RIPOR2: variants seen among roughly 807,000 people sequenced by gnomAD.
RIPOR2 encodes rho family-interacting cell polarization regulator 2.
In RIPOR2, 39 loss-of-function variants were observed where a neutral mutation model predicts 114.5. The ratio of observed to expected loss-of-function variants is 0.34; its 90% CI spans 0.26 to 0.44. The LOEUF is 0.44. RIPOR2 is among the 20% of genes least tolerant of loss of function. The pLI is 1.00. For missense variants in RIPOR2, 1,007 were observed against 1,255.1 expected (o/e 0.80, Z 2.99); for synonymous variants, 445 against 484.4 (o/e 0.92, Z 1.07).
intron 1 of RIPOR2, among the ~76,000 whole-genome samples, chr6:24,944,448 C>T (rs1005035431): frequency 2.6e-5 from 4 of 152,050 alleles, no homozygotes; most frequent in African/African-American, 9.7e-5. Flanking sequence ...TCAGAAAAGT[C>T]ACTAAAAAAA....
chr6:24,830,395 G>C (rs1271578532), intron 17 of RIPOR2, 114 bp downstream of exon 17: 1 of 777,986 alleles, frequency 1.3e-6, no homozygotes, highest in Non-Finnish European at 2.1e-6. Flanking sequence ...ATGGCCTTTT[G>C]TGTGTTTCCC....
intron 13 of RIPOR2, among the ~76,000 whole-genome samples, chr6:24,841,819 T>C (rs912799452): frequency 6.6e-6 from 1 of 152,102 alleles, no homozygotes; most frequent in Non-Finnish European, 1.5e-5. Context: ...GATTTCATCA[T>C]GTTGCCCGGT....
intron 1 of RIPOR2, among the ~76,000 whole-genome samples, chr6:24,941,735 T>G (rs1224404791): frequency 6.6e-6 from 1 of 152,196 alleles, no homozygotes; most frequent in Non-Finnish European, 1.5e-5. Context: ...TCTCAGGGTT[T>G]GGCAACATTA....
chr6:24,850,674 C>T lies in RIPOR2; in HGVS notation c.808G>A (p.Glu270Lys). ...TCCCAGCTCTGCTTGCCATTTACTT[C>T]TATTTTGCCTTTCAGTTTCCACCGC... ...RQRWKLKGKIEVNGKQSWDGE... is the reference protein window; with the variant it reads ...RQRWKLKGKIKVNGKQSWDGE... Residue 270 changes from glutamate to lysine, a missense_variant, in exon 10 of 22, where the codon GAA becomes AAA. Coordinates refer to ENST00000643898, the MANE Select transcript of RIPOR2 (RefSeq NM_001286445.3). 6.2e-7 allele frequency: 1 copy of T among 1,613,918 alleles called. No homozygotes were observed. The highest frequency in any genetic ancestry group is 8.5e-7 in the Non-Finnish European group (1 of 1,179,862).
In RIPOR2 at chr6:24,817,976, C is replaced by CTTTTTTTTTTTTTTTTTTTTTTTTTT. The variant is rs758675486; in HGVS notation, c.2952+565_2952+566insAAAAAAAAAAAAAAAAAAAAAAAAAA. 2.4e-5 allele frequency among the ~76,000 whole-genome samples: 2 copies of CTTTTTTTTTTTTTTTTTTTTTTTTTT among 84,448 alleles called. 1 individual carries two copies. The allele number at this position is 84,448 out of a possible 152,430, so 55.4% of individuals were successfully genotyped here. A position where few individuals can be genotyped will look rare whatever the true frequency, so the allele number is the denominator to read the frequency against. Reference sequence around the variant, plus strand: ...ATATACTTTCCTTTTCTCTCTCTCTCTCTTTTTTTTTGAGACAGAGTCTGG... The same window carrying CTTTTTTTTTTTTTTTTTTTTTTTTTT: ...ATATACTTTCCTTTTCTCTCTCTCTCTTTTTTTTTTTTTTTTTTTTTTTTTTTCTTTTTTTTTGAGACAGAGTCTGG... On this transcript the variant is annotated intron_variant, in intron 20 of 21. Transcript: ENST00000643898.
rs139012976 is a variant in RIPOR2 at position 24,972,595 on chromosome 6, A to G, written c.76+69256T>C. ...GCTTCAGGGGTTTTATGATGTCTCA[A>G]AGGGATATTATAATGCCTCATGGAG... On this transcript the variant is annotated intron_variant, in intron 1 of 13. Coordinates refer to the RIPOR2 transcript ENST00000510784. Among the ~76,000 whole-genome samples the G allele has an allele frequency of 1.8e-3, 272 of 152,310 alleles. 1 individual carries two copies. Among genetic ancestry groups the G allele is most frequent in the African/African-American group, 3.8e-3 (160 of 41,564 alleles).
At chr6:24,848,235 C>G in intron 11 of RIPOR2, 81 bp from the exon 12 acceptor site, 1 of 1,415,056 alleles carries the variant, frequency 7.1e-7, no homozygotes. Flanking sequence ...GAGAGTACCT[C>G]ATTATATAAA....
At chr6:24,961,987 ATG>A (rs1312395321) in intron 1 of RIPOR2, among the ~76,000 whole-genome samples, 6 of 152,120 alleles carry the variant, frequency 3.9e-5, no homozygotes, top group African/African-American at 1.4e-4. Flanking sequence ...CTCATTACAC[ATG>A]TGAAGAAAGT....
chr6:24,975,330 A>G (rs1490873747), intron 1 of RIPOR2, among the ~76,000 whole-genome samples: 2 of 152,240 alleles, frequency 1.3e-5, no homozygotes, highest in Admixed American at 1.3e-4. Context: ...AAATCAAATA[A>G]ACAAATATAA....
At chr6:24,831,812 G>A (rs1021721107) in intron 16 of RIPOR2, among the ~76,000 whole-genome samples, 1 of 152,150 alleles carries the variant, frequency 6.6e-6, no homozygotes, top group African/African-American at 2.4e-5. Flanking sequence ...CTTAGAATCA[G>A]GAACTCTCCT....
At position 24,992,407 on chromosome 6, in the gene RIPOR2, G is replaced by A. The variant is rs145609082; in HGVS notation, c.76+49444C>T. Among the ~76,000 whole-genome samples, 443 of 152,154 alleles carry A rather than the reference G, an allele frequency of 2.9e-3. 4 individuals are homozygous for A. The highest frequency in any genetic ancestry group is 0.018 in the East Asian group (93 of 5,182). Reference sequence around the variant, plus strand: ...ACAAAATCAATGCCCAAAAATCACTGGTATTCCTATACACTAGCAACAGCC... The same window carrying A: ...ACAAAATCAATGCCCAAAAATCACTAGTATTCCTATACACTAGCAACAGCC... On this transcript the variant is annotated intron_variant, in intron 1 of 13. Transcript: ENST00000510784.
In RIPOR2 at chr6:25,021,394, C is replaced by T. The variant is rs113899639; in HGVS notation, c.76+20457G>A. On this transcript the variant is annotated intron_variant, in intron 1 of 13. Transcript: ENST00000510784. Reference sequence around the variant, plus strand: ...AAATTAAGGCTGTGGCACCCAAATGCCCATCGATCAATGAGTGGATAAAGA... The same window carrying T: ...AAATTAAGGCTGTGGCACCCAAATGTCCATCGATCAATGAGTGGATAAAGA... Among the ~76,000 whole-genome samples, 738 of 152,208 alleles carry T rather than the reference C, an allele frequency of 4.8e-3. 4 individuals are homozygous for T. The highest frequency in any genetic ancestry group is 0.017 in the African/African-American group (697 of 41,508).
At chr6:24,925,041 T>C (rs898673024) in intron 1 of RIPOR2, among the ~76,000 whole-genome samples, 3 of 152,250 alleles carry the variant, frequency 2.0e-5, no homozygotes, top group Admixed American at 6.5e-5. Flanking sequence ...TTTTGCTTAA[T>C]TGAGATTCTA....
chr6:25,035,258 T>A (rs1166991085), intron 1 of RIPOR2, among the ~76,000 whole-genome samples: 13 of 152,206 alleles, frequency 8.5e-5, no homozygotes. Flanking sequence ...ATGTGACCTA[T>A]GAATTATACA....
chr6:24,943,603 G>C (rs34976097), intron 1 of RIPOR2, among the ~76,000 whole-genome samples: 20,952 of 152,036 alleles, frequency 0.14, 1,898 homozygotes, highest in Middle Eastern at 0.26. Context: ...AGCAATCCAG[G>C]AGCATTTATT....
At chr6:24,983,331 A>C (rs1005163611) in intron 1 of RIPOR2, among the ~76,000 whole-genome samples, 3 of 152,110 alleles carry the variant, frequency 2.0e-5, no homozygotes, top group African/African-American at 7.2e-5. Flanking sequence ...TTTTTAAACA[A>C]AATGACTAAT....
chr6:24,860,894 G>T, intron 8 of RIPOR2, 79 bp downstream of exon 8: 4 of 880,282 alleles, frequency 4.5e-6, no homozygotes, highest in South Asian at 1.6e-5. Flanking sequence ...AATAAAAATA[G>T]CATGGGCTCT....
chr6:24,873,242 G>A (rs187914887), intron 3 of RIPOR2, among the ~76,000 whole-genome samples: 1 of 152,350 alleles, frequency 6.6e-6, no homozygotes, highest in Admixed American at 6.5e-5. Context: ...AGTCAGCCCT[G>A]GCTCTGGCCT....
At chr6:24,934,996 G>T (rs1378428922) in intron 1 of RIPOR2, among the ~76,000 whole-genome samples, 2 of 152,102 alleles carry the variant, frequency 1.3e-5, no homozygotes, top group African/African-American at 2.4e-5. Context: ...TGCCAAGTAT[G>T]TGTGAGGAAG....
Sources: allele counts gnomAD v4.1 joint callset (sites outside exome capture counted in the v4.1 genomes callset), GRCh38; gene constraint gnomAD v4.1.1; transcripts MANE v1.5; gene names NCBI Gene and HGNC (gene_info 2026-07-23, HGNC 2026-07-21).